The following DPF1 variants were observed in gnomAD, a reference collection of about 807,000 sequenced individuals.
DPF1 encodes zinc finger protein neuro-d4.
A neutral mutation model predicts 58.7 loss-of-function variants in DPF1; 14 were observed. The observed-to-expected ratio is 0.24, with a 90% CI of 0.16 to 0.37. The LOEUF is 0.37. Among genes scored for constraint, DPF1 ranks in the 10% least tolerant of loss-of-function variants. The pLI, the probability that DPF1 is intolerant of heterozygous loss-of-function variation, is 1.00. For missense variants in DPF1, 345 were observed against 529.9 expected, an observed-to-expected ratio of 0.65 and a Z score of 3.43; for synonymous variants, 216 against 216.0, an observed-to-expected ratio of 1.00 and a Z score of 0.00.
At chr19:38,212,237 T>TGGGGGGGGGGCGC in intron 11 of DPF1, 43 bp downstream of exon 11, 1 of 1,256,816 alleles carries the variant, frequency 8.0e-7, no homozygotes, top group Non-Finnish European at 1.1e-6. Context: ...GGAGATGGCG[T>TGGGGGGGGGGCGC]TCCCACCCAC....
rs756919311 is a variant in DPF1 at position 38,217,490 on chromosome 19, G to A, written c.697C>T (p.Leu233=). The A allele has an allele frequency of 1.4e-4, 221 of 1,550,272 alleles. 1 individual carries two copies. In the South Asian group the frequency reaches 2.3e-3, roughly 16 times the overall value. The change falls in exon 7 of 12, where the codon CTG becomes TTG. Residue 233 remains leucine, a synonymous_variant. Coordinates refer to ENST00000355526, the MANE Select transcript of DPF1 (RefSeq NM_001135155.3). ...EGEENAERHA[L]PFHRKNNHKQ... ...TGGTTGTTTTTCCGGTGGAAGGGCAGGGCGTGGCGTTCGGCGTTCTCCTCC... is the reference window on the plus strand; with the variant it reads ...TGGTTGTTTTTCCGGTGGAAGGGCAAGGCGTGGCGTTCGGCGTTCTCCTCC...
upstream of DPF1, among the ~76,000 whole-genome samples, chr19:38,225,449 G>A (rs1289913526): frequency 6.6e-6 from 1 of 151,804 alleles, no homozygotes; most frequent in East Asian, 1.9e-4. Flanking sequence ...CAGCAGTGTA[G>A]TCCCAGCTAC....
At chr19:38,227,499 C>T (rs1967880653), upstream of DPF1, among the ~76,000 whole-genome samples, 1 of 152,126 alleles carries the variant, frequency 6.6e-6, no homozygotes, top group African/African-American at 2.4e-5. Context: ...ACTTGAACTC[C>T]CAGTCCTCTC....
At chr19:38,215,475 AGAGG>A (rs1402175524) in intron 9 of DPF1, among the ~76,000 whole-genome samples, 3 of 150,280 alleles carry the variant, frequency 2.0e-5, no homozygotes, top group African/African-American at 7.4e-5. Context: ...CCTGGGTGAC[AGAGG>A]GAGACTCTGT....
chr19:38,217,713 T>A, intron 6 of DPF1, 85 bp downstream of exon 6: 2 of 1,591,002 alleles, frequency 1.3e-6, no homozygotes, highest in Non-Finnish European at 1.7e-6. Context: ...CCAACCCGGG[T>A]CTGGAACGGG....
intron 7 of DPF1, 139 bp from the exon 8 acceptor site, chr19:38,216,542 G>GA (rs1479007610): frequency 1.9e-6 from 2 of 1,051,088 alleles, no homozygotes; most frequent in Non-Finnish European, 2.6e-6. Context: ...AAGCTGTGGG[G>GA]AGAGGTGAAA....
chr19:38,226,502 CT>C (rs1322897962), upstream of DPF1, among the ~76,000 whole-genome samples: 44 of 112,390 alleles, frequency 3.9e-4, no homozygotes, highest in African/African-American at 1.1e-3. Context: ...ACGGTCACTT[CT>C]ACACACACAC....
At chr19:38,220,571 G>A (rs1364684528) in intron 3 of DPF1, among the ~76,000 whole-genome samples, 2 of 150,548 alleles carry the variant, frequency 1.3e-5, no homozygotes, top group Non-Finnish European at 3.0e-5. Flanking sequence ...CAGTGAGATC[G>A]CGCCACTGCA....
chr19:38,214,697 C>G (rs1966884058), intron 9 of DPF1, among the ~76,000 whole-genome samples: 1 of 152,158 alleles, frequency 6.6e-6, no homozygotes, highest in Non-Finnish European at 1.5e-5. Context: ...CAAGGTCTCA[C>G]TCTGTTGCCC....
chr19:38,228,613 T>G (rs987331830), upstream of DPF1: 1 of 150,786 alleles, frequency 6.6e-6, no homozygotes, highest in African/African-American at 2.4e-5. Flanking sequence ...GCCTGTCACT[T>G]GGAGCCCGCT....
Position 38,212,153 on chromosome 19 carries a change from T to C in DPF1, c.1094-20A>G. On this transcript the variant is annotated intron_variant, in intron 11 of 11. Transcript: ENST00000355526. ...AGCTCCCTGCGGGGGCAGCCGAAGC[T>C]GAAGTCAGGCCCGGGTCCGGGAGGG... 6.2e-7 allele frequency: 1 copy of C among 1,605,692 alleles called. No individual in the cohort carries two copies.
chr19:38,226,876 C>T (rs1967845777), upstream of DPF1, among the ~76,000 whole-genome samples: 1 of 152,144 alleles, frequency 6.6e-6, no homozygotes, highest in Admixed American at 6.6e-5. Context: ...CCCAAACTCT[C>T]ATGTCGATTT....
rs367964029 is a variant in DPF1, at chr19:38,222,511, G to C, written c.190+37C>G. On this transcript the variant is annotated intron_variant, in intron 2 of 11. Transcript: ENST00000355526. The surrounding 1 kb of genome is among the most constrained non-coding windows in gnomAD (Gnocchi z 4.9). ...AGGGCGGCGGCGGTGGGGCGGCCTGGCCCCGCCCCGCCCTGCGCCAGCCCT... is the reference window on the plus strand; with the variant it reads ...AGGGCGGCGGCGGTGGGGCGGCCTGCCCCCGCCCCGCCCTGCGCCAGCCCT... 1.2e-6 allele frequency: 2 copies of C among 1,600,884 alleles called. No individual in the cohort carries two copies. The highest frequency in any genetic ancestry group is 8.5e-7 in the Non-Finnish European group (1 of 1,174,752).
chr19:38,219,251 C>T (rs537650952), intron 3 of DPF1, 193 bp from the exon 4 acceptor site: 107 of 707,972 alleles, frequency 1.5e-4, no homozygotes, highest in Non-Finnish European at 2.3e-4. Flanking sequence ...CTGGGATGCA[C>T]AGCAGGAGAC....
At chr19:38,226,830 G>T (rs574344455), upstream of DPF1, among the ~76,000 whole-genome samples, 2 of 151,914 alleles carry the variant, frequency 1.3e-5, no homozygotes, top group South Asian at 4.2e-4. Flanking sequence ...TTCCCACACC[G>T]CTAGCCTCAG....
rs1332054610 is a variant in DPF1 at position 38,212,293 on chromosome 19, C to T, written c.1080G>A (p.Ala360=). Residue 360 remains alanine, a synonymous_variant, in exon 11 of 12, where the codon GCG becomes GCA. Transcript: ENST00000355526. The stretch of plus-strand genomic sequence containing the variant: ...CTCTCCTCTCACCTTCCGGGGGCTC[C>T]GCCATGGGGGGACTCAGGCAGTACA... ...YHMYCLSPPM[A]EPPEGSWSCH... The T allele has an allele frequency of 2.6e-6, 4 of 1,533,722 alleles. No homozygotes were observed. Among genetic ancestry groups the T allele is most frequent in the Admixed American group, 2.0e-5 (1 of 49,654 alleles).
Position 38,224,076 on chromosome 19 carries a change from C to T in DPF1, c.29+38G>A. ...ACACACACAGGCCCGCGTAGACCCG[C>T]CCGCGCTTCCTCTCCGCCTCCCGCC... On this transcript the variant is annotated intron_variant, in intron 1 of 11. Transcript: ENST00000355526. This position sits in a 1 kb window ranked among gnomAD's most constrained non-coding sequence, Gnocchi z 4.5. 4 of 1,496,542 alleles carry T rather than the reference C, an allele frequency of 2.7e-6. No individual in the cohort carries two copies. Among genetic ancestry groups the T allele is most frequent in the East Asian group, 2.7e-5 (1 of 36,822 alleles). 92.7% of individuals were successfully genotyped at this position (1,496,542 alleles called of 1,614,324 possible).
At position 38,224,015 on chromosome 19, in the gene DPF1, C is replaced by T. The variant is rs1223216683; in HGVS notation, c.29+99G>A. On this transcript the variant is annotated intron_variant, in intron 1 of 11. Transcript: ENST00000355526. This position sits in a 1 kb window ranked among gnomAD's most constrained non-coding sequence, Gnocchi z 4.5. Reference sequence around the variant, plus strand: ...GCAGCCCCGCACTCGGTGACAGCCCCCCAGACACCCCTTCGGCCCCACCCC... The same window carrying T: ...GCAGCCCCGCACTCGGTGACAGCCCTCCAGACACCCCTTCGGCCCCACCCC... 3 of 1,371,778 alleles carry T rather than the reference C, an allele frequency of 2.2e-6. No homozygotes were observed. The highest frequency in any genetic ancestry group is 2.8e-6 in the Non-Finnish European group (3 of 1,062,576). 85.0% of individuals were successfully genotyped at this position (1,371,778 alleles called of 1,614,324 possible).
In DPF1 at chr19:38,211,341, G is replaced by GCGGGGGCCCA. The variant is rs1294229522; in HGVS notation, c.*712_*721dup. On this transcript the variant is annotated 3_prime_UTR_variant, in exon 12 of 12. Coordinates refer to ENST00000355526, the MANE Select transcript of DPF1 (RefSeq NM_001135155.3). The surrounding 1 kb of genome is among the most constrained non-coding windows in gnomAD (Gnocchi z 4.0). ...TGCTTCTCATTCCAGCAGGCGCTGGGCGGGGGCCCACCCGGCCCCACCACC... is the reference window on the plus strand; with the variant it reads ...TGCTTCTCATTCCAGCAGGCGCTGGGCGGGGGCCCACGGGGGCCCACCCGGCCCCACCACC... 1.3e-5 allele frequency: 2 copies of GCGGGGGCCCA among 152,468 alleles called. No individual in the cohort carries two copies. Among genetic ancestry groups the GCGGGGGCCCA allele is most frequent in the Middle Eastern group, 3.4e-3 (1 of 294 alleles). The allele number at this position is 152,468 out of a possible 1,614,324, so 9.4% of individuals were successfully genotyped here.
Sources: allele counts gnomAD v4.1 joint callset (sites outside exome capture counted in the v4.1 genomes callset), GRCh38; gene constraint gnomAD v4.1.1; non-coding constraint Gnocchi (gnomAD v3.1); transcripts MANE v1.5; gene names NCBI Gene and HGNC (gene_info 2026-07-23, HGNC 2026-07-21).